Variants in FSCN1 observed in about 807,000 individuals in gnomAD.
The protein encoded by FSCN1 is fascin actin-bundling protein 1, also known as fascin.
FSCN1 carries 10 observed loss-of-function variants against 39.7 expected under a neutral mutation model. The observed-to-expected ratio is 0.25, with a 90% CI of 0.16 to 0.43. The LOEUF (loss-of-function observed/expected upper bound fraction) is 0.43, where lower values mean the gene tolerates loss of function less well. Among genes scored for constraint, FSCN1 ranks in the 20% least tolerant of loss-of-function variants. The pLI, the probability that FSCN1 is intolerant of heterozygous loss-of-function variation, is 1.00. For missense variants in FSCN1, 525 were observed against 723.8 expected (o/e 0.73, Z 3.15); for synonymous variants, 322 against 320.0 (o/e 1.01, Z -0.07).
chr7:5,596,751 G>T (rs533641562), intron 1 of FSCN1, among the ~76,000 whole-genome samples: 1 of 152,370 alleles, frequency 6.6e-6, no homozygotes, highest in South Asian at 2.1e-4. Flanking sequence ...GTCAAGCTGG[G>T]CTTTGCAGGA....
At chr7:5,600,045 A>G (rs1314176347) in intron 1 of FSCN1, among the ~76,000 whole-genome samples, 1 of 152,208 alleles carries the variant, frequency 6.6e-6, no homozygotes, top group Non-Finnish European at 1.5e-5. Flanking sequence ...GTGCTGCTGG[A>G]GCCAAACATC....
At chr7:5,596,104 A>G (rs1032792699) in intron 1 of FSCN1, among the ~76,000 whole-genome samples, 4 of 146,312 alleles carry the variant, frequency 2.7e-5, no homozygotes, top group African/African-American at 7.7e-5. Context: ...TCTCGTTTCT[A>G]TGTCAGCCAA....
intron 1 of FSCN1, 56 bp downstream of exon 1, chr7:5,593,824 C>A: frequency 4.2e-6 from 5 of 1,181,278 alleles, no homozygotes; most frequent in Non-Finnish European, 5.8e-6. Flanking sequence ...CGCACCCCAC[C>A]CGCGCCCCTC....
Position 5,593,341 on chromosome 7 carries a change from C to T in FSCN1, c.405C>T (p.His135=). ...TVSPAEKWSV[H]IAMHPQVNIY... ...CCCCCGCCGAGAAGTGGAGCGTGCA[C>T]ATCGCCATGCACCCTCAGGTCAACA... The change falls in exon 1 of 5, where the codon CAC becomes CAT. Residue 135 remains histidine, a synonymous_variant. Transcript: ENST00000382361. The T allele has an allele frequency of 3.1e-6, 5 of 1,612,128 alleles. No homozygotes were observed. Among genetic ancestry groups the T allele is most frequent in the Non-Finnish European group, 3.4e-6 (4 of 1,179,686 alleles).
In FSCN1 at chr7:5,593,288, C is replaced by G; in HGVS notation, c.352C>G (p.Arg118Gly). ...HRRYFGGTEDRLSCFAQTVSP... is the reference protein window; with the variant it reads ...HRRYFGGTEDGLSCFAQTVSP... ...GCGCTACTTCGGCGGCACCGAGGACCGCCTGTCCTGCTTCGCGCAGACGGT... is the reference window on the plus strand; with the variant it reads ...GCGCTACTTCGGCGGCACCGAGGACGGCCTGTCCTGCTTCGCGCAGACGGT... Residue 118 changes from arginine to glycine, a missense_variant, in exon 1 of 5, where the codon CGC becomes GGC. Arg to Gly is a moderately radical substitution (Grantham distance 125). Coordinates refer to ENST00000382361, the MANE Select transcript of FSCN1 (RefSeq NM_003088.4). 1 of 1,610,328 alleles carries G rather than the reference C, an allele frequency of 6.2e-7. No homozygotes were observed. Among genetic ancestry groups the G allele is most frequent in the African/African-American group, 1.3e-5 (1 of 74,998 alleles).
chr7:5,605,246 C>A lies in FSCN1; in HGVS notation c.1280-26C>A. ...AGGGGTGGGGAGCCAGGCTTTGGGCCCCACTTGATAAAGTCCCCTCCCCAG... is the reference window on the plus strand; with the variant it reads ...AGGGGTGGGGAGCCAGGCTTTGGGCACCACTTGATAAAGTCCCCTCCCCAG... On this transcript the variant is annotated intron_variant, in intron 4 of 4. Transcript: ENST00000382361. The surrounding 1 kb of genome is among the most constrained non-coding windows in gnomAD (Gnocchi z 6.9). 1 of 1,580,866 alleles carries A rather than the reference C, an allele frequency of 6.3e-7. No homozygotes were observed. Among genetic ancestry groups the A allele is most frequent in the Non-Finnish European group, 8.7e-7 (1 of 1,151,040 alleles).
At chr7:5,597,553 G>C (rs567771295) in intron 1 of FSCN1, among the ~76,000 whole-genome samples, 45 of 151,922 alleles carry the variant, frequency 3.0e-4, no homozygotes, top group African/African-American at 9.4e-4. Flanking sequence ...TGTAATCCCA[G>C]CTACTCTGGA....
Position 5,603,677 on chromosome 7 carries a change from C to T in FSCN1, c.1111+60C>T. ...TGGAGTCCTGGAGGGTCTGGCCATG[C>T]CGTGGTCACTTGGTAGCCCCAGCCA... On this transcript the variant is annotated intron_variant, in intron 3 of 4. Transcript: ENST00000382361. The surrounding 1 kb of genome is among the most constrained non-coding windows in gnomAD (Gnocchi z 8.5). 1 of 1,607,226 alleles carries T rather than the reference C, an allele frequency of 6.2e-7. No homozygotes were observed. Among genetic ancestry groups the T allele is most frequent in the Non-Finnish European group, 8.5e-7 (1 of 1,175,412 alleles).
chr7:5,600,809 G>A (rs564631649), intron 1 of FSCN1, among the ~76,000 whole-genome samples: 23 of 150,582 alleles, frequency 1.5e-4, no homozygotes, highest in East Asian at 5.9e-4. Flanking sequence ...GCCCGCCACC[G>A]TGCCCGGCTA....
intron 1 of FSCN1, among the ~76,000 whole-genome samples, chr7:5,595,612 G>GT: frequency 6.6e-6 from 1 of 152,326 alleles, no homozygotes; most frequent in South Asian, 2.1e-4. Flanking sequence ...CAGGTATGGG[G>GT]GGGGTGCTGT....
chr7:5,593,803 C>G (rs1395449616), intron 1 of FSCN1, 35 bp downstream of exon 1: 3 of 1,389,914 alleles, frequency 2.2e-6, no homozygotes, highest in Admixed American at 2.3e-5. Flanking sequence ...TCTCCTGGTC[C>G]GTGCACAAAG....
rs1785781862 is a variant in FSCN1, at chr7:5,599,121, C to A, written c.833-4136C>A. Among the ~76,000 whole-genome samples, 1 of 56 alleles carries A rather than the reference C, an allele frequency of 0.018. No homozygotes were observed. The allele number at this position is 56 out of a possible 152,430, so 0.0% of individuals were successfully genotyped here. ...GTGTGGCCTTAGGATGGTCCCGGCA[C>A]CCTGGGACCCAGCCCCTGCTCACCT... On this transcript the variant is annotated intron_variant, in intron 1 of 4. Coordinates refer to ENST00000382361, the MANE Select transcript of FSCN1 (RefSeq NM_003088.4). The surrounding 1 kb of genome is among the most constrained non-coding windows in gnomAD (Gnocchi z 5.6).
chr7:5,595,884 G>A (rs1785721233), intron 1 of FSCN1, among the ~76,000 whole-genome samples: 1 of 152,152 alleles, frequency 6.6e-6, no homozygotes, highest in African/African-American at 2.4e-5. Flanking sequence ...TGGCGAGCCT[G>A]GGCAGATAAC....
rs756563703 is a variant in FSCN1, at chr7:5,593,071, C to T, written c.135C>T (p.Ile45=). ...ASASSLKKKQ[I]WTLEQPPDEA... ...CCAGCAGCCTGAAGAAGAAGCAGAT[C>T]TGGACGCTGGAGCAGCCCCCTGACG... Residue 45 remains isoleucine, a synonymous_variant, in exon 1 of 5, where the codon ATC becomes ATT. Transcript: ENST00000382361. 2.5e-6 allele frequency: 4 copies of T among 1,605,248 alleles called. No individual in the cohort carries two copies. The African/African-American group carries it at 5.3e-5, about 21-fold the overall frequency.
At chr7:5,600,906 G>T (rs558488696) in intron 1 of FSCN1, among the ~76,000 whole-genome samples, 2 of 132,348 alleles carry the variant, frequency 1.5e-5, no homozygotes, top group South Asian at 4.7e-4. Context: ...CGCCTGCCTC[G>T]GCCTCCCAAA....
intron 1 of FSCN1, among the ~76,000 whole-genome samples, chr7:5,600,553 C>A (rs1321899279): frequency 6.6e-6 from 1 of 151,744 alleles, no homozygotes; most frequent in African/African-American, 2.4e-5. Flanking sequence ...AGTGCAGTGG[C>A]GGATCTCAGC....
Position 5,594,050 on chromosome 7 carries a change from C to CA in FSCN1, c.832+282_832+283insA, listed in dbSNP as rs1480032153. 73 of 409,570 alleles carry CA rather than the reference C, an allele frequency of 1.8e-4. 1 individual carries two copies. Among genetic ancestry groups the CA allele is most frequent in the Non-Finnish European group, 2.9e-4 (66 of 230,892 alleles). The allele number at this position is 409,570 out of a possible 1,614,324, so 25.4% of individuals were successfully genotyped here. A position where few individuals can be genotyped will look rare whatever the true frequency, so the allele number is the denominator to read the frequency against. ...ACCGTACGTGCACCCTCCTAACCCC[C>CA]CCCCCCGCCCAATCTTGGCTCTCCC... is the stretch of plus-strand genomic sequence containing the variant. On this transcript the variant is annotated intron_variant, in intron 1 of 4. Transcript: ENST00000382361.
chr7:5,604,485 GTTTT>G, intron 4 of FSCN1, among the ~76,000 whole-genome samples: 1 of 147,860 alleles, frequency 6.8e-6, no homozygotes, highest in African/African-American at 2.5e-5. Context: ...TTTTTTGTTT[GTTTT>G]TTTGAGACTC....
chr7:5,595,807 G>T (rs1199932332), intron 1 of FSCN1, among the ~76,000 whole-genome samples: 3 of 152,242 alleles, frequency 2.0e-5, no homozygotes, highest in African/African-American at 7.2e-5. Context: ...CCGTGGGGAA[G>T]AAGTCGCAGA....
Sources: gnomAD v4.1 joint callset for allele counts (sites outside exome capture counted in the v4.1 genomes callset) on GRCh38, gnomAD v4.1.1 for gene constraint, Gnocchi (gnomAD v3.1) non-coding constraint, MANE v1.5 for transcripts, NCBI Gene and HGNC (gene_info 2026-07-23, HGNC 2026-07-21) for gene names.